GHR: variants seen among roughly 807,000 people sequenced by gnomAD.
GHR encodes the protein growth hormone receptor.
Under a neutral mutation model 67.1 loss-of-function variants are expected in GHR, and 35 were observed. That is an observed-to-expected ratio of 0.52 (90% confidence interval 0.40 to 0.69). GHR has a LOEUF of 0.69. Ranked by LOEUF, GHR falls within the 30% of genes least tolerant of loss-of-function variation. The pLI is 0.00. For missense variants in GHR, 792 were observed against 764.6 expected (o/e 1.04, Z -0.42); for synonymous variants, 272 against 269.1 (o/e 1.01, Z -0.10).
intron 8 of GHR, among the ~76,000 whole-genome samples, chr5:42,714,499 C>T (rs1006704257): frequency 6.6e-6 from 1 of 152,132 alleles, no homozygotes; most frequent in Admixed American, 6.5e-5. Flanking sequence ...CACTTGTAAA[C>T]TTCAAAACAG....
intron 2 of GHR, among the ~76,000 whole-genome samples, chr5:42,583,336 T>G (rs1399721843): frequency 1.3e-5 from 2 of 151,986 alleles, no homozygotes; most frequent in Non-Finnish European, 1.5e-5. Context: ...AGATCTTACC[T>G]TTTCCATTCA....
At chr5:42,612,221 T>C (rs557806491) in intron 2 of GHR, among the ~76,000 whole-genome samples, 5 of 152,290 alleles carry the variant, frequency 3.3e-5, no homozygotes, top group African/African-American at 1.2e-4. Context: ...CTTTACATAA[T>C]AGTTGAAAAT....
intron 1 of GHR, among the ~76,000 whole-genome samples, chr5:42,513,111 C>A (rs1257873836): frequency 1.3e-5 from 2 of 152,202 alleles, no homozygotes; most frequent in Non-Finnish European, 2.9e-5. Context: ...TTAGCAATAG[C>A]AAGCTACTTC....
At position 42,713,370 on chromosome 5, in the gene GHR, TG is replaced by T. The variant is rs33972388; in HGVS notation, c.785-58del. The T allele has an allele frequency of 0.44, 363,060 of 820,924 alleles. 82,201 individuals carry two copies. Among genetic ancestry groups the T allele is most frequent in the East Asian group, 0.58 (23,645 of 41,042 alleles). 50.9% of individuals were successfully genotyped at this position (820,924 alleles called of 1,614,324 possible). A position where few individuals can be genotyped will look rare whatever the true frequency, so the allele number is the denominator to read the frequency against. ...TTTTTTGTGAAAAGGGAAAGGGAAA[TG>T]TAAACTGTGCTTCAACTATTCGTAA... is the stretch of plus-strand genomic sequence containing the variant. On this transcript the variant is annotated intron_variant, in intron 7 of 9. Coordinates refer to ENST00000230882, the MANE Select transcript of GHR (RefSeq NM_000163.5).
chr5:42,649,690 C>A (rs1754920331), intron 3 of GHR, among the ~76,000 whole-genome samples: 1 of 152,086 alleles, frequency 6.6e-6, no homozygotes, highest in Non-Finnish European at 1.5e-5. Flanking sequence ...TAAGCAGCAT[C>A]CTTCACACAA....
intron 4 of GHR, among the ~76,000 whole-genome samples, chr5:42,694,562 G>A (rs751453866): frequency 3.3e-5 from 5 of 152,104 alleles, no homozygotes; most frequent in Non-Finnish European, 5.9e-5. Flanking sequence ...GTGATTCTCT[G>A]TACTGTTTTA....
chr5:42,486,911 T>A (rs1298681095), intron 1 of GHR, among the ~76,000 whole-genome samples: 2 of 151,802 alleles, frequency 1.3e-5, no homozygotes, highest in Non-Finnish European at 2.9e-5. Flanking sequence ...AAGAGACTAA[T>A]GAGATAACAC....
Position 42,484,257 on chromosome 5 carries a change from G to A in GHR, c.-12+60302G>A, listed in dbSNP as rs1008649811. ...CCAATGAAATGCTGTTCTTTGGACT[G>A]AACTTTCAAGACTCATGTGTGTGGT... On this transcript the variant is annotated intron_variant, in intron 1 of 9. Coordinates refer to ENST00000230882, the MANE Select transcript of GHR (RefSeq NM_000163.5). Among the ~76,000 whole-genome samples, 5 of 152,170 alleles carry A rather than the reference G, an allele frequency of 3.3e-5. No homozygotes were observed. In the South Asian group the frequency reaches 1.0e-3, roughly 32 times the overall value.
At position 42,424,721 on chromosome 5, in the gene GHR, T is replaced by C. The variant is rs974930446; in HGVS notation, c.-12+766T>C. The C allele has an allele frequency of 9.8e-6, 10 of 1,019,854 alleles. No individual in the cohort carries two copies. In the African/African-American group the frequency reaches 1.3e-4, roughly 13 times the overall value. The allele number at this position is 1,019,854 out of a possible 1,614,324, so 63.2% of individuals were successfully genotyped here. ...GCTGCGGGTCAATGGGGTGGCCGCG[T>C]GTCTAGGGAGAGGGCGCTGGCGGCG... On this transcript the variant is annotated intron_variant, in intron 1 of 9. Transcript: ENST00000230882. This position sits in a 1 kb window ranked among gnomAD's most constrained non-coding sequence, Gnocchi z 4.1.
chr5:42,712,171 A>G (rs1488264635), intron 7 of GHR, among the ~76,000 whole-genome samples: 2 of 152,190 alleles, frequency 1.3e-5, no homozygotes, highest in Non-Finnish European at 2.9e-5. Flanking sequence ...CAAGCTACAT[A>G]GAAAATAAAT....
At chr5:42,635,310 A>G (rs962926839) in intron 3 of GHR, among the ~76,000 whole-genome samples, 4 of 152,142 alleles carry the variant, frequency 2.6e-5, no homozygotes, top group African/African-American at 9.7e-5. Context: ...GAAATAAGAG[A>G]AAGGCAGGTT....
intron 4 of GHR, among the ~76,000 whole-genome samples, chr5:42,694,049 A>G (rs1420911317): frequency 6.6e-6 from 1 of 152,036 alleles, no homozygotes; most frequent in African/African-American, 2.4e-5. Context: ...CCGTATTGCC[A>G]TCTATTAAAC....
intron 3 of GHR, among the ~76,000 whole-genome samples, chr5:42,642,997 C>T (rs1754554467): frequency 6.6e-6 from 1 of 152,130 alleles, no homozygotes. Context: ...AGAGCCTATC[C>T]TAATGCACAA....
chr5:42,426,692 C>T (rs544816689), intron 1 of GHR, among the ~76,000 whole-genome samples: 50 of 152,184 alleles, frequency 3.3e-4, no homozygotes, highest in African/African-American at 1.1e-3. Context: ...TGATAAGAAT[C>T]GAAGTTTGGT....
At chr5:42,586,484 C>T (rs1751482017) in intron 2 of GHR, among the ~76,000 whole-genome samples, 1 of 152,032 alleles carries the variant, frequency 6.6e-6, no homozygotes. Context: ...GAAATTGGCT[C>T]GATGATAAGA....
At chr5:42,578,306 A>C (rs1040378241) in intron 2 of GHR, among the ~76,000 whole-genome samples, 2 of 152,210 alleles carry the variant, frequency 1.3e-5, no homozygotes, top group Non-Finnish European at 2.9e-5. Flanking sequence ...TGTTGTGGGG[A>C]TCAAATTAGA....
Position 42,599,353 on chromosome 5 carries a change from G to C in GHR, c.71-29685G>C, listed in dbSNP as rs140006500. ...TCATGGGCATGTTGTTTGGCCTACAGCACATTTTTTTTTTTTTTTTTTTTT... is the reference window on the plus strand; with the variant it reads ...TCATGGGCATGTTGTTTGGCCTACACCACATTTTTTTTTTTTTTTTTTTTT... On this transcript the variant is annotated intron_variant, in intron 2 of 9. Transcript: ENST00000230882. Among the ~76,000 whole-genome samples, 628 of 143,704 alleles carry C rather than the reference G, an allele frequency of 4.4e-3. 3 individuals carry two copies. The highest frequency in any genetic ancestry group is 0.016 in the African/African-American group (606 of 37,648). The allele number at this position is 143,704 out of a possible 152,430, so 94.3% of individuals were successfully genotyped here. A position where few individuals can be genotyped will look rare whatever the true frequency, so the allele number is the denominator to read the frequency against.
intron 1 of GHR, among the ~76,000 whole-genome samples, chr5:42,507,510 A>G (rs1025006602): frequency 6.6e-6 from 1 of 152,224 alleles, no homozygotes; most frequent in African/African-American, 2.4e-5. Flanking sequence ...GTGCGATTGT[A>G]AAATTACACA....
At chr5:42,699,055 G>A (rs2111734240) in intron 5 of GHR, among the ~76,000 whole-genome samples, 1 of 152,324 alleles carries the variant, frequency 6.6e-6, no homozygotes, top group African/African-American at 2.4e-5. Flanking sequence ...CAAAAAGACA[G>A]AAAACACTGA....
Sources: allele counts gnomAD v4.1 joint callset (sites outside exome capture counted in the v4.1 genomes callset), GRCh38; gene constraint gnomAD v4.1.1; non-coding constraint Gnocchi (gnomAD v3.1); transcripts MANE v1.5; gene names NCBI Gene and HGNC (gene_info 2026-07-23, HGNC 2026-07-21).